Variants in FCHO1 observed in about 807,000 individuals in gnomAD.
FCHO1 encodes FCH and mu domain containing endocytic adaptor 1.
Under a neutral mutation model 114.4 loss-of-function variants are expected in FCHO1, and 45 were observed. The observed-to-expected ratio is 0.39, with a 90% CI of 0.31 to 0.50. The LOEUF (loss-of-function observed/expected upper bound fraction) is 0.50, where lower values mean the gene tolerates loss of function less well. FCHO1 is among the 20% of genes least tolerant of loss of function. FCHO1 has a pLI of 0.77. For synonymous variants in FCHO1, 480 were observed against 488.9 expected (o/e 0.98, Z 0.24); for missense variants, 1,042 against 1,209.6 (o/e 0.86, Z 2.06).
upstream of FCHO1, among the ~76,000 whole-genome samples, chr19:17,749,720 G>A (rs932073288): frequency 1.3e-5 from 2 of 152,180 alleles, no homozygotes; most frequent in South Asian, 4.1e-4. Flanking sequence ...CTGCCTTGAG[G>A]TGTGGTGACG....
chr19:17,766,483 C>T (rs2089223929), intron 6 of FCHO1, 186 bp from the exon 7 acceptor site: 1 of 675,800 alleles, frequency 1.5e-6, no homozygotes. Context: ...CTATAGAGCT[C>T]CCTATGCCTC....
At position 17,781,338 on chromosome 19, in the gene FCHO1, G is replaced by A; in HGVS notation, c.1735G>A (p.Asp579Asn). 1.2e-6 allele frequency: 2 copies of A among 1,613,388 alleles called. No homozygotes were observed. Among genetic ancestry groups the A allele is most frequent in the Non-Finnish European group, 1.7e-6 (2 of 1,179,372 alleles). The change falls in exon 21 of 29, where the codon GAC becomes AAC. Residue 579 changes from aspartate (D) to asparagine (N), a missense_variant. By Grantham distance (23) the Asp-to-Asn change is conservative. Around this residue, in one of 3 missense-constraint regions of FCHO1, gnomAD observed 455 missense variants for 455.4 expected, o/e 1.00. Coordinates refer to ENST00000596536, the MANE Select transcript of FCHO1 (RefSeq NM_015122.3). ...VSCPLTRSNG[D>N]LSRSLSPSPL... ...CTGCCCTCTCACACGTAGCAATGGG[G>A]ACCTGGTAGGTGAGGGGGCGTGGCA...
rs967119416 is a variant in FCHO1 at position 17,784,269 on chromosome 19, T to C, written c.2226+34T>C. 1 of 1,567,628 alleles carries C rather than the reference T, an allele frequency of 6.4e-7. No individual in the cohort carries two copies. The highest frequency in any genetic ancestry group is 1.2e-5 in the South Asian group (1 of 86,754). Reference sequence around the variant, plus strand: ...CCCGCATGGGGCCGGGAGGAGGTGGTGGAGTGGGGGACACGGTGAGCCGGC... The same window carrying C: ...CCCGCATGGGGCCGGGAGGAGGTGGCGGAGTGGGGGACACGGTGAGCCGGC... On this transcript the variant is annotated intron_variant, in intron 25 of 28. Transcript: ENST00000596536. This position sits in a 1 kb window ranked among gnomAD's most constrained non-coding sequence, Gnocchi z 5.3.
chr19:17,774,229 C>T lies in FCHO1; in HGVS notation c.791-10C>T, dbSNP rs1224454924. ...CAGCCCCTCAATTGAGTTTCCGTCT[C>T]CTGTCTCAGGACCTCTGGACTTCGA... is the stretch of plus-strand genomic sequence containing the variant. On this transcript the variant is annotated splice_polypyrimidine_tract_variant and intron_variant, in intron 11 of 28. Transcript: ENST00000596536. 6.2e-7 allele frequency: 1 copy of T among 1,613,852 alleles called. No homozygotes were observed. Among genetic ancestry groups the T allele is most frequent in the Admixed American group, 1.7e-5 (1 of 59,992 alleles).
intron 23 of FCHO1, 24 bp downstream of exon 23, chr19:17,781,844 G>T: frequency 6.6e-7 from 1 of 1,505,510 alleles, no homozygotes; most frequent in African/African-American, 1.4e-5. Context: ...GGCAGACAGG[G>T]CCCGTGGGAA....
chr19:17,762,987 T>C (rs1251474833), intron 5 of FCHO1, 134 bp downstream of exon 5: 2 of 620,002 alleles, frequency 3.2e-6, no homozygotes, highest in African/African-American at 3.7e-5. Context: ...TCGAAAATCC[T>C]GGAAATGACC....
chr19:17,761,969 T>TTTCATTCATTCA (rs111716506), intron 4 of FCHO1, among the ~76,000 whole-genome samples: 5,794 of 148,190 alleles, frequency 0.039, 145 homozygotes, highest in African/African-American at 0.065. Flanking sequence ...TTTATTTTTA[T>TTTCATTCATTCA]TTCATTCATT....
intron 20 of FCHO1, 129 bp from the exon 21 acceptor site, chr19:17,781,102 A>G: frequency 3.0e-6 from 2 of 661,898 alleles, no homozygotes; most frequent in Non-Finnish European, 5.3e-6. Flanking sequence ...CAACACCAGG[A>G]CTTCAGACCC....
intron 4 of FCHO1, among the ~76,000 whole-genome samples, chr19:17,761,572 C>T (rs1283487510): frequency 6.6e-6 from 1 of 150,752 alleles, no homozygotes; most frequent in Non-Finnish European, 1.5e-5. Context: ...TGTGTTTAGG[C>T]CTTCCTATAC....
At chr19:17,750,513 C>T (rs1435031292), upstream of FCHO1, among the ~76,000 whole-genome samples, 1 of 152,188 alleles carries the variant, frequency 6.6e-6, no homozygotes, top group Non-Finnish European at 1.5e-5. Flanking sequence ...GGCTGGAGTG[C>T]AGTGGCTCGA....
Position 17,776,740 on chromosome 19 carries a change from C to A in FCHO1, c.1259+54C>A. 1 of 1,497,066 alleles carries A rather than the reference C, an allele frequency of 6.7e-7. No individual in the cohort carries two copies. 92.7% of individuals were successfully genotyped at this position (1,497,066 alleles called of 1,614,324 possible). A position where few individuals can be genotyped will look rare whatever the true frequency, so the allele number is the denominator to read the frequency against. On this transcript the variant is annotated intron_variant, in intron 18 of 28. Transcript: ENST00000596536. The surrounding 1 kb of genome is among the most constrained non-coding windows in gnomAD (Gnocchi z 4.4). Reference sequence around the variant, plus strand: ...GGCTGTCCCCACCTCCTCCCTCCACCTCCCCATGTCTCCGCCTGGTGTTCT... The same window carrying A: ...GGCTGTCCCCACCTCCTCCCTCCACATCCCCATGTCTCCGCCTGGTGTTCT...
In FCHO1 at chr19:17,758,271, G is replaced by C. The variant is rs535938765; in HGVS notation, c.27+3080G>C. The stretch of plus-strand genomic sequence containing the variant: ...GAGCTGGAGGGAGCAACAGTGAAGT[G>C]GGGGAGGGGGTTGAGCAGGGTTAGG... On this transcript the variant is annotated intron_variant, in intron 4 of 28. Coordinates refer to ENST00000596536, the MANE Select transcript of FCHO1 (RefSeq NM_015122.3). Among the ~76,000 whole-genome samples, 8 of 152,200 alleles carry C rather than the reference G, an allele frequency of 5.3e-5. No homozygotes were observed. The East Asian group carries it at 1.5e-3, about 29-fold the overall frequency.
chr19:17,780,638 C>T (rs760691377), intron 20 of FCHO1, among the ~76,000 whole-genome samples: 16 of 152,028 alleles, frequency 1.1e-4, no homozygotes, highest in African/African-American at 2.9e-4. Context: ...CCCCCGCCCC[C>T]GAGAATGGTC....
Position 17,781,987 on chromosome 19 carries a change from C to CTT in FCHO1, c.1937+195_1937+196dup, listed in dbSNP as rs67498129. ...GAGGGCAGTGGAGCCATAGGAGGGCCTTTTTTTTTTTTTTTTTTTTTTTTT... is the reference window on the plus strand; with the variant it reads ...GAGGGCAGTGGAGCCATAGGAGGGCCTTTTTTTTTTTTTTTTTTTTTTTTTTT... On this transcript the variant is annotated intron_variant, in intron 23 of 28. Coordinates refer to ENST00000596536, the MANE Select transcript of FCHO1 (RefSeq NM_015122.3). Among the ~76,000 whole-genome samples the CTT allele has an allele frequency of 1.1e-4, 14 of 126,030 alleles. 1 individual carries two copies. The highest frequency in any genetic ancestry group is 2.4e-4 in the African/African-American group (7 of 29,222). 82.7% of individuals were successfully genotyped at this position (126,030 alleles called of 152,430 possible).
rs1463723460 is a variant in FCHO1, at chr19:17,781,743, G to A, written c.1860G>A (p.Leu620=). The change falls in exon 23 of 29, where the codon CTG becomes CTA. Residue 620 remains leucine, a synonymous_variant. Coordinates refer to ENST00000596536, the MANE Select transcript of FCHO1 (RefSeq NM_015122.3). ...CCCGGGGTCCGAGCCCTGTGGTCCTGGGCTCCCAGGATGCCCTGCCCATAG... is the reference window on the plus strand; with the variant it reads ...CCCGGGGTCCGAGCCCTGTGGTCCTAGGCTCCCAGGATGCCCTGCCCATAG... ...GVSRGPSPVV[L]GSQDALPIAT... 6.2e-7 allele frequency: 1 copy of A among 1,610,542 alleles called. No homozygotes were observed. The highest frequency in any genetic ancestry group is 1.7e-5 in the Admixed American group (1 of 59,344).
intron 3 of FCHO1, 57 bp downstream of exon 3, chr19:17,754,738 G>T (rs1855144920): frequency 5.7e-6 from 1 of 174,136 alleles, no homozygotes; most frequent in Non-Finnish European, 1.2e-5. Flanking sequence ...CTGTGAAGTG[G>T]ATCAGAGCTT....
chr19:17,768,057 GT>G (rs1205381191), intron 7 of FCHO1, among the ~76,000 whole-genome samples: 1 of 152,020 alleles, frequency 6.6e-6, no homozygotes, highest in Non-Finnish European at 1.5e-5. Context: ...GTAATACTTT[GT>G]TTTTGTTTTG....
In FCHO1 at chr19:17,778,891, C is replaced by A; in HGVS notation, c.1627+7C>A. 1 of 1,546,082 alleles carries A rather than the reference C, an allele frequency of 6.5e-7. No homozygotes were observed. The highest frequency in any genetic ancestry group is 1.2e-5 in the South Asian group (1 of 84,422). On this transcript the variant is annotated splice_region_variant and intron_variant, in intron 20 of 28. Transcript: ENST00000596536. ...GAGGCCTTGGCCGGAGGAGGTGAGT[C>A]CAGCGGGCCTGGGCCTGAGAGTTGC...
At chr19:17,783,965 C>A in intron 24 of FCHO1, 138 bp from the exon 25 acceptor site, 1 of 1,079,014 alleles carries the variant, frequency 9.3e-7, no homozygotes, top group Non-Finnish European at 1.3e-6. Flanking sequence ...ACTGCCCGCA[C>A]CACAACCACC....
Sources: gnomAD v4.1 joint callset for allele counts (sites outside exome capture counted in the v4.1 genomes callset) on GRCh38, gnomAD v4.1.1 for gene constraint, gnomAD v4.1.1 regional missense constraint, Gnocchi (gnomAD v3.1) non-coding constraint, MANE v1.5 for transcripts, NCBI Gene and HGNC (gene_info 2026-07-23, HGNC 2026-07-21) for gene names.